The following DNAJC3 variants were observed in gnomAD, a reference collection of about 807,000 sequenced individuals.
DNAJC3 encodes the protein DnaJ heat shock protein family (Hsp40) member C3.
DNAJC3 carries 38 observed loss-of-function variants against 68.6 expected under a neutral mutation model. The observed-to-expected ratio is 0.55, with a 90% CI of 0.43 to 0.73. The LOEUF (loss-of-function observed/expected upper bound fraction) is 0.73, where lower values mean the gene tolerates loss of function less well. Among genes scored for constraint, DNAJC3 ranks in the 30% least tolerant of loss-of-function variants. The pLI, the probability that DNAJC3 is intolerant of heterozygous loss-of-function variation, is 0.00. For synonymous variants in DNAJC3, 203 were observed against 204.0 expected, an observed-to-expected ratio of 1.00 and a Z score of 0.04; for missense variants, 526 against 591.9, an observed-to-expected ratio of 0.89 and a Z score of 1.16.
chr13:95,779,806 A>T (rs976315253), intron 9 of DNAJC3, among the ~76,000 whole-genome samples: 1 of 152,222 alleles, frequency 6.6e-6, no homozygotes, highest in South Asian at 2.1e-4. Flanking sequence ...TGTTTTTCTG[A>T]TGGCTATTCA....
intron 4 of DNAJC3, among the ~76,000 whole-genome samples, chr13:95,747,929 A>T (rs1333015791): frequency 1.3e-5 from 2 of 152,202 alleles, no homozygotes; most frequent in Non-Finnish European, 2.9e-5. Context: ...TTTAGGGGAG[A>T]GGGACAGGTA....
At chr13:95,756,831 G>A (rs1055302079) in intron 4 of DNAJC3, among the ~76,000 whole-genome samples, 1 of 152,116 alleles carries the variant, frequency 6.6e-6, no homozygotes, top group Non-Finnish European at 1.5e-5. Flanking sequence ...TTGTCTGGAG[G>A]AAGAAATTGT....
chr13:95,690,480 C>T (rs1381397009), intron 1 of DNAJC3, among the ~76,000 whole-genome samples: 9 of 151,718 alleles, frequency 5.9e-5, no homozygotes, highest in East Asian at 2.0e-4. Flanking sequence ...CATCATGGCC[C>T]GTTCTCAATG....
Position 95,753,874 on chromosome 13 carries a change from A to G in DNAJC3, c.394-3770A>G, listed in dbSNP as rs1251763451. On this transcript the variant is annotated intron_variant, in intron 4 of 11. Coordinates refer to ENST00000602402, the MANE Select transcript of DNAJC3 (RefSeq NM_006260.5). ...TTGGTAAAGAAAATGCAGAAAACACATAGGTAATTACTGATTGCCAGGAAT... is the reference window on the plus strand; with the variant it reads ...TTGGTAAAGAAAATGCAGAAAACACGTAGGTAATTACTGATTGCCAGGAAT... 3.3e-5 allele frequency among the ~76,000 whole-genome samples: 5 copies of G among 152,316 alleles called. No individual in the cohort carries two copies. The East Asian group carries it at 7.7e-4, about 24-fold the overall frequency.
Position 95,677,234 on chromosome 13 carries a change from C to T in DNAJC3, c.-22C>T. On this transcript the variant is annotated 5_prime_UTR_variant, in exon 1 of 12. Transcript: ENST00000602402. ...TGGTGGGCCACACACCTTTCCTCCTCTTCACTCGCGAGCCCTCGGACATGG... is the reference window on the plus strand; with the variant it reads ...TGGTGGGCCACACACCTTTCCTCCTTTTCACTCGCGAGCCCTCGGACATGG... The T allele has an allele frequency of 2.5e-6, 4 of 1,598,992 alleles. 1 individual carries two copies. Among genetic ancestry groups the T allele is most frequent in the Middle Eastern group, 1.7e-4 (1 of 6,016 alleles).
At chr13:95,705,511 T>G (rs1010631191) in intron 1 of DNAJC3, among the ~76,000 whole-genome samples, 1 of 150,886 alleles carries the variant, frequency 6.6e-6, no homozygotes, top group Non-Finnish European at 1.5e-5. Context: ...TCTCCCTCTC[T>G]CTCTCTCTCT....
intron 4 of DNAJC3, among the ~76,000 whole-genome samples, chr13:95,726,890 T>C (rs937972925): frequency 6.6e-6 from 1 of 152,224 alleles, no homozygotes; most frequent in Non-Finnish European, 1.5e-5. Flanking sequence ...GTCACAATAC[T>C]CTGTCATCTG....
intron 2 of DNAJC3, among the ~76,000 whole-genome samples, chr13:95,722,805 C>T (rs1227817709): frequency 3.5e-5 from 2 of 57,264 alleles, no homozygotes; most frequent in Non-Finnish European, 3.2e-5. Flanking sequence ...GGGTGACAGA[C>T]ACCTTGTCCG....
chr13:95,767,275 G>A (rs2139681279), intron 9 of DNAJC3, among the ~76,000 whole-genome samples: 1 of 152,220 alleles, frequency 6.6e-6, no homozygotes, highest in East Asian at 1.9e-4. Flanking sequence ...ATCATATACT[G>A]TTTGTCTTAT....
At chr13:95,709,164 A>AT in intron 1 of DNAJC3, 63 bp from the exon 2 acceptor site, 2 of 1,186,578 alleles carry the variant, frequency 1.7e-6, no homozygotes, top group South Asian at 3.6e-5. Context: ...TTAATATTAT[A>AT]TTTTTTAGAA....
At chr13:95,681,500 A>G (rs779280134) in intron 1 of DNAJC3, among the ~76,000 whole-genome samples, 7 of 151,898 alleles carry the variant, frequency 4.6e-5, no homozygotes, top group Non-Finnish European at 8.8e-5. Context: ...ACAGGTATGC[A>G]CCACTGCATC....
intron 9 of DNAJC3, among the ~76,000 whole-genome samples, chr13:95,784,314 T>C (rs1883533820): frequency 6.6e-6 from 1 of 152,122 alleles, no homozygotes; most frequent in Admixed American, 6.5e-5. Context: ...ACTCAGCATA[T>C]AGTTGTACTC....
At chr13:95,759,793 G>A (rs1882766563) in intron 5 of DNAJC3, among the ~76,000 whole-genome samples, 1 of 152,098 alleles carries the variant, frequency 6.6e-6, no homozygotes, top group Non-Finnish European at 1.5e-5. Context: ...AAAGGGCCTT[G>A]TTATTATATA....
At chr13:95,790,676 T>C (rs1008429618) in intron 11 of DNAJC3, among the ~76,000 whole-genome samples, 197 bp from the exon 12 acceptor site, 1 of 152,222 alleles carries the variant, frequency 6.6e-6, no homozygotes. Context: ...CTCACCCTCC[T>C]TGTGGCAAAT....
intron 4 of DNAJC3, among the ~76,000 whole-genome samples, chr13:95,752,285 A>T (rs1322505412): frequency 6.6e-6 from 1 of 152,238 alleles, no homozygotes; most frequent in Admixed American, 6.5e-5. Flanking sequence ...TTGAGAAATT[A>T]AAATAACTTA....
At chr13:95,722,975 T>A (rs1003293419) in intron 2 of DNAJC3, among the ~76,000 whole-genome samples, 2 of 152,084 alleles carry the variant, frequency 1.3e-5, no homozygotes, top group Non-Finnish European at 2.9e-5. Flanking sequence ...TTTCTTTTTT[T>A]TGGGCAACTT....
chr13:95,692,691 A>G (rs568119294), intron 1 of DNAJC3: 2 of 152,262 alleles, frequency 1.3e-5, no homozygotes, highest in African/African-American at 4.8e-5. Flanking sequence ...TATTTAGAGC[A>G]ATCTGTGCTC....
rs1295776985 is a variant in DNAJC3, at chr13:95,691,042, T to C, written c.82+13705T>C. Among the ~76,000 whole-genome samples the C allele has an allele frequency of 9.9e-3, 1,155 of 116,336 alleles. 36 individuals are homozygous for C. Among genetic ancestry groups the C allele is most frequent in the African/African-American group, 0.038 (1,097 of 28,772 alleles). 76.3% of individuals were successfully genotyped at this position (116,336 alleles called of 152,430 possible). Reference sequence around the variant, plus strand: ...CTGACCCCCCCACCTCCCTCCTGGATGGAGCGGCTGGCCGGGCAGAGGGGC... The same window carrying C: ...CTGACCCCCCCACCTCCCTCCTGGACGGAGCGGCTGGCCGGGCAGAGGGGC... On this transcript the variant is annotated intron_variant, in intron 1 of 11. Transcript: ENST00000602402.
At chr13:95,682,981 C>T (rs765409806) in intron 1 of DNAJC3, among the ~76,000 whole-genome samples, 6 of 152,212 alleles carry the variant, frequency 3.9e-5, no homozygotes, top group African/African-American at 7.2e-5. Context: ...ACAGCTCCTC[C>T]TCTCAAACTT....
Sources: allele counts gnomAD v4.1 joint callset (sites outside exome capture counted in the v4.1 genomes callset), GRCh38; gene constraint gnomAD v4.1.1; transcripts MANE v1.5; gene names NCBI Gene and HGNC (gene_info 2026-07-23, HGNC 2026-07-21).